MEF2C: variants seen among roughly 807,000 people sequenced by gnomAD.
MEF2C encodes myocyte-specific enhancer factor 2C.
Under a neutral mutation model 50.5 loss-of-function variants are expected in MEF2C, and 6 were observed. That is an observed-to-expected ratio of 0.12 (90% confidence interval 0.07 to 0.23). The LOEUF (loss-of-function observed/expected upper bound fraction) is 0.23. MEF2C is among the 10% of genes least tolerant of loss of function. The pLI, the probability that MEF2C is intolerant of heterozygous loss-of-function variation, is 1.00. For synonymous variants in MEF2C, 183 were observed against 228.0 expected (o/e 0.80, Z 1.78); for missense variants, 276 against 605.0 (o/e 0.46, Z 5.70).
chr5:88,772,805 C>A, intron 3 of MEF2C: 1 of 985,362 alleles, frequency 1.0e-6, no homozygotes, highest in African/African-American at 1.7e-5. Flanking sequence ...TTTGGTTATT[C>A]TATAGTGATC....
At chr5:88,863,137 AG>A (rs1471845266) in intron 1 of MEF2C, among the ~76,000 whole-genome samples, 2 of 152,234 alleles carry the variant, frequency 1.3e-5, no homozygotes, top group African/African-American at 2.4e-5. Context: ...TGACCTAACC[AG>A]TCATCTCCCA....
rs190734778 is a variant in MEF2C, at chr5:88,900,940, C to T, written c.-240+2976G>A. Among the ~76,000 whole-genome samples, 42 of 151,878 alleles carry T rather than the reference C, an allele frequency of 2.8e-4. No homozygotes were observed. The East Asian group carries it at 6.2e-3, about 22-fold the overall frequency. Reference sequence around the variant, plus strand: ...CTTTAAAGCTTTCTTCCCATAACTCCGAAATAGTTTATGAGCTCAAAAGAA... The same window carrying T: ...CTTTAAAGCTTTCTTCCCATAACTCTGAAATAGTTTATGAGCTCAAAAGAA... On this transcript the variant is annotated intron_variant, in intron 1 of 11. Coordinates refer to the MEF2C transcript ENST00000340208.
chr5:88,892,542 C>T (rs919055741), intron 1 of MEF2C, among the ~76,000 whole-genome samples: 1 of 152,104 alleles, frequency 6.6e-6, no homozygotes, highest in Non-Finnish European at 1.5e-5. Flanking sequence ...GTAGGTCATC[C>T]GAGAGGTGGG....
intron 1 of MEF2C, among the ~76,000 whole-genome samples, chr5:88,876,756 T>TA (rs988761388): frequency 6.6e-6 from 1 of 151,956 alleles, no homozygotes; most frequent in South Asian, 2.1e-4. Context: ...GGCTGATTTT[T>TA]AAAAAAACAC....
chr5:88,739,117 A>G (rs1765349627), intron 6 of MEF2C: 2 of 985,378 alleles, frequency 2.0e-6, no homozygotes, highest in Non-Finnish European at 2.4e-6. Flanking sequence ...TGTTACAGTG[A>G]AATGTCCAGT....
intron 10 of MEF2C, among the ~76,000 whole-genome samples, chr5:88,723,189 ACATATAGGTTAC>A (rs908503091): frequency 2.6e-5 from 4 of 152,178 alleles, no homozygotes; most frequent in Non-Finnish European, 5.9e-5. Context: ...GGCTCCCTAA[ACATATAGGTTAC>A]CATTTCAGAA....
chr5:88,834,447 C>T (rs187492032), intron 1 of MEF2C, among the ~76,000 whole-genome samples: 3 of 152,114 alleles, frequency 2.0e-5, no homozygotes, highest in Non-Finnish European at 2.9e-5. Context: ...CATGATGCTA[C>T]GTGCCATGGA....
At chr5:88,775,764 C>T in intron 3 of MEF2C, 1 of 961,004 alleles carries the variant, frequency 1.0e-6, no homozygotes. Flanking sequence ...GCATTGTCAC[C>T]TTGGATTTCA....
chr5:88,874,477 A>C (rs182305343), intron 1 of MEF2C, among the ~76,000 whole-genome samples: 47 of 152,118 alleles, frequency 3.1e-4, no homozygotes, highest in African/African-American at 1.1e-3. Flanking sequence ...CATTTACAAA[A>C]CAAAGTTTAA....
chr5:88,742,571 C>CT (rs1219791053), intron 6 of MEF2C: 1 of 983,534 alleles, frequency 1.0e-6, no homozygotes, highest in Admixed American at 6.2e-5. Flanking sequence ...ACAAAGGGCT[C>CT]TAAAATCTGC....
chr5:88,823,550 C>A (rs1273403785), intron 2 of MEF2C, among the ~76,000 whole-genome samples, 185 bp downstream of exon 2: 1 of 151,872 alleles, frequency 6.6e-6, no homozygotes, highest in Non-Finnish European at 1.5e-5. Flanking sequence ...ATGTTTCTGA[C>A]AGATAAAGTG....
At chr5:88,763,806 C>T (rs920604781) in intron 3 of MEF2C, among the ~76,000 whole-genome samples, 1 of 151,950 alleles carries the variant, frequency 6.6e-6, no homozygotes, top group Admixed American at 6.6e-5. Flanking sequence ...AGGTGTGTGC[C>T]ACCACACCTG....
chr5:88,746,814 A>G (rs1769926573), intron 6 of MEF2C: 1 of 392,512 alleles, frequency 2.5e-6, no homozygotes, highest in Non-Finnish European at 3.5e-6. Flanking sequence ...CATCTGCAAC[A>G]GGTGTTCCTT....
At chr5:88,852,417 G>A (rs1446417817) in intron 1 of MEF2C, among the ~76,000 whole-genome samples, 1 of 152,178 alleles carries the variant, frequency 6.6e-6, no homozygotes, top group Non-Finnish European at 1.5e-5. Flanking sequence ...ATTCAGAGTA[G>A]TGGTCTCTCT....
intron 6 of MEF2C, chr5:88,746,730 G>A (rs1241660691): frequency 1.0e-6 from 1 of 980,860 alleles, no homozygotes; most frequent in East Asian, 1.1e-4. Context: ...TATGATACTG[G>A]TTGGCATGAG....
intron 6 of MEF2C, chr5:88,741,372 AGAG>A (rs1419612873): frequency 2.0e-6 from 2 of 985,132 alleles, no homozygotes; most frequent in Non-Finnish European, 2.4e-6. Context: ...ATCCGGAAAA[AGAG>A]GAGTTTAACA....
rs146673926 is a variant in MEF2C, at chr5:88,859,564, C to T, written c.-143+23391G>A. Reference sequence around the variant, plus strand: ...ACAGTGTTCTATAGCAAGAGGAAAGCATTAATGTTTTCAGTATCCTATTTT... The same window carrying T: ...ACAGTGTTCTATAGCAAGAGGAAAGTATTAATGTTTTCAGTATCCTATTTT... On this transcript the variant is annotated intron_variant, in intron 1 of 10. Transcript: ENST00000504921. Among the ~76,000 whole-genome samples the T allele has an allele frequency of 5.3e-5, 8 of 152,310 alleles. 1 individual carries two copies. The highest frequency in any genetic ancestry group is 4.6e-4 in the Admixed American group (7 of 15,304).
intron 2 of MEF2C, among the ~76,000 whole-genome samples, chr5:88,809,197 C>G (rs370899889): frequency 1.3e-5 from 2 of 152,018 alleles, no homozygotes; most frequent in East Asian, 3.9e-4. Flanking sequence ...TACCATACAT[C>G]TTATGTTGAT....
intron 1 of MEF2C, among the ~76,000 whole-genome samples, chr5:88,852,046 C>T (rs933342833): frequency 6.6e-6 from 1 of 152,106 alleles, no homozygotes; most frequent in African/African-American, 2.4e-5. Context: ...AGTAATTGTA[C>T]TTGGCAGTCA....
Sources: allele counts gnomAD v4.1 joint callset (sites outside exome capture counted in the v4.1 genomes callset), GRCh38; gene constraint gnomAD v4.1.1; transcripts MANE v1.5; gene names NCBI Gene and HGNC (gene_info 2026-07-23, HGNC 2026-07-21).